Variants in NKPD1 observed in about 807,000 individuals in gnomAD.
NKPD1 encodes NTPase KAP family P-loop domain-containing protein 1.
NKPD1 carries 37 observed loss-of-function variants against 42.2 expected under a neutral mutation model. The observed-to-expected ratio is 0.88, with a 90% CI of 0.67 to 1.15. NKPD1 has a LOEUF of 1.15. NKPD1 is among the 50% of genes most tolerant of loss of function. NKPD1 has a pLI of 0.00. For missense variants in NKPD1, 1,113 were observed against 1,174.6 expected, an observed-to-expected ratio of 0.95 and a Z score of 0.77; for synonymous variants, 552 against 536.5, an observed-to-expected ratio of 1.03 and a Z score of -0.40.
rs1334619276 is a variant in NKPD1, at chr19:45,151,539, G to A, written c.*399C>T. The stretch of plus-strand genomic sequence containing the variant: ...TGCAGCCTCACCCACCACCCCCGCA[G>A]CCTCTCCTGCCACAGAGATGCCAGA... On this transcript the variant is annotated 3_prime_UTR_variant, in exon 5 of 5. Transcript: ENST00000686631. 5.7e-6 allele frequency: 1 copy of A among 175,170 alleles called. No homozygotes were observed. Among genetic ancestry groups the A allele is most frequent in the Admixed American group, 6.3e-5 (1 of 15,864 alleles). 10.9% of individuals were successfully genotyped at this position (175,170 alleles called of 1,614,324 possible). A position where few individuals can be genotyped will look rare whatever the true frequency, so the allele number is the denominator to read the frequency against.
chr19:45,160,695 A>G (rs982384053), intron 1 of NKPD1, among the ~76,000 whole-genome samples: 2 of 151,278 alleles, frequency 1.3e-5, no homozygotes, highest in Non-Finnish European at 2.9e-5. Flanking sequence ...GTGGAGGGGG[A>G]ATTGTGAGGG....
At chr19:45,160,250 T>A in intron 1 of NKPD1, 29 bp from the exon 2 acceptor site, 1 of 623,752 alleles carries the variant, frequency 1.6e-6, no homozygotes, top group Non-Finnish European at 2.5e-6. Context: ...AGAGCTGAGG[T>A]CAGGGTCCCT....
chr19:45,152,356 A>C lies in NKPD1; in HGVS notation c.2081T>G (p.Phe694Cys). The C allele has an allele frequency of 6.2e-7, 1 of 1,602,748 alleles. No individual in the cohort carries two copies. The highest frequency in any genetic ancestry group is 8.5e-7 in the Non-Finnish European group (1 of 1,174,562). ...GTGCAGCTCGCGGCTGTTGTCGCGGAAAACGTCCCAGAGGCGCGCGCGGCC... is the reference window on the plus strand; with the variant it reads ...GTGCAGCTCGCGGCTGTTGTCGCGGCAAACGTCCCAGAGGCGCGCGCGGCC... ...PEGRARLWDV[F>C]RDNSRELHTM... The change falls in exon 5 of 5, where the codon TTC becomes TGC. Residue 694 changes from phenylalanine (F) to cysteine (C), a missense_variant. Physicochemically the swap from Phe to Cys is radical, Grantham distance 205. This residue lies in a region of NKPD1 where 867 missense variants were observed against 870.1 expected (regional missense o/e 1.00). Coordinates refer to ENST00000686631, the MANE Select transcript of NKPD1 (RefSeq NM_198478.4).
chr19:45,162,260 C>A (rs778593870), upstream of NKPD1, among the ~76,000 whole-genome samples: 5 of 152,150 alleles, frequency 3.3e-5, no homozygotes, highest in Admixed American at 6.5e-5. Context: ...GGCAGCACTG[C>A]AGAGGCAGAC....
intron 3 of NKPD1, among the ~76,000 whole-genome samples, chr19:45,157,719 C>CTTTTTTTTTT (rs34991759): frequency 1.2e-5 from 1 of 83,352 alleles, no homozygotes; most frequent in Non-Finnish European, 2.3e-5. Flanking sequence ...CCCAGACATA[C>CTTTTTTTTTT]TTTTTTTTTT....
chr19:45,152,072 C>T lies in NKPD1; in HGVS notation c.2365G>A (p.Ala789Thr), dbSNP rs554063437. ...CCTGAGGCACGGCCCGACGGGGGCGCCCTGGAGGCGCTGTTGGCCCGGTGG... is the reference window on the plus strand; with the variant it reads ...CCTGAGGCACGGCCCGACGGGGGCGTCCTGGAGGCGCTGTTGGCCCGGTGG... Reference protein sequence around the residue: ...AAHRANSASRAPPSGRASGQA... With the variant: ...AAHRANSASRTPPSGRASGQA... Residue 789 changes from alanine to threonine, a missense_variant, in exon 5 of 5, where the codon GCG (alanine) becomes ACG (threonine). This residue lies in a region of NKPD1 where 867 missense variants were observed against 870.1 expected (regional missense o/e 1.00). Transcript: ENST00000686631. 2.5e-6 allele frequency: 4 copies of T among 1,607,618 alleles called. No individual in the cohort carries two copies. Among genetic ancestry groups the T allele is most frequent in the African/African-American group, 2.7e-5 (2 of 74,954 alleles).
rs1312251051 is a variant in NKPD1, at chr19:45,150,340, G to A, written c.*1598C>T. ...TCTTACTGAGGCATGGGGGGCTTCA[G>A]TCCTGCCCTCACCTCCAGCCAAGTC... On this transcript the variant is annotated 3_prime_UTR_variant, in exon 5 of 5. Transcript: ENST00000686631. 6 of 152,026 alleles carry A rather than the reference G, an allele frequency of 3.9e-5. No individual in the cohort carries two copies. Among genetic ancestry groups the A allele is most frequent in the African/African-American group, 1.5e-4 (6 of 41,358 alleles). 9.4% of individuals were successfully genotyped at this position (152,026 alleles called of 1,614,324 possible). A position where few individuals can be genotyped will look rare whatever the true frequency, so the allele number is the denominator to read the frequency against.
At chr19:45,155,708 G>C in intron 4 of NKPD1, 77 bp downstream of exon 4, 1 of 1,239,588 alleles carries the variant, frequency 8.1e-7, no homozygotes, top group Non-Finnish European at 1.1e-6. Flanking sequence ...GGGGGATCTG[G>C]GGGAAGCCTG....
rs924969299 is a variant in NKPD1 at position 45,150,215 on chromosome 19, G to C, written c.*1723C>G. 6.6e-6 allele frequency: 1 copy of C among 152,172 alleles called. No homozygotes were observed. Among genetic ancestry groups the C allele is most frequent in the Non-Finnish European group, 1.5e-5 (1 of 68,046 alleles). The allele number at this position is 152,172 out of a possible 1,614,324, so 9.4% of individuals were successfully genotyped here. On this transcript the variant is annotated 3_prime_UTR_variant, in exon 5 of 5. Coordinates refer to ENST00000686631, the MANE Select transcript of NKPD1 (RefSeq NM_198478.4). ...AGTGATCCTCCCACCTCAGCCTCCT[G>C]AGTAGCTGGGATTACAGGCATGCAC... is the stretch of plus-strand genomic sequence containing the variant.
Position 45,152,105 on chromosome 19 carries a change from G to T in NKPD1, c.2332C>A (p.His778Asn), listed in dbSNP as rs776363032. The change falls in exon 5 of 5, where the codon CAC becomes AAC. Residue 778 changes from histidine (H) to asparagine (N), a missense_variant. This residue lies in a region of NKPD1 where 867 missense variants were observed against 870.1 expected (regional missense o/e 1.00). Coordinates refer to ENST00000686631, the MANE Select transcript of NKPD1 (RefSeq NM_198478.4). ...PPKSPTRDTPHAAHRANSASR... is the reference protein window; with the variant it reads ...PPKSPTRDTPNAAHRANSASR... ...GCGCTGTTGGCCCGGTGGGCAGCGTGGGGGGTATCGCGGGTAGGGGACTTG... is the reference window on the plus strand; with the variant it reads ...GCGCTGTTGGCCCGGTGGGCAGCGTTGGGGGTATCGCGGGTAGGGGACTTG... The T allele has an allele frequency of 3.7e-6, 6 of 1,604,350 alleles. No homozygotes were observed. Among genetic ancestry groups the T allele is most frequent in the Non-Finnish European group, 4.2e-6 (5 of 1,176,480 alleles).
Position 45,160,078 on chromosome 19 carries a change from C to G in NKPD1, c.73G>C (p.Glu25Gln). 6 of 1,304,630 alleles carry G rather than the reference C, an allele frequency of 4.6e-6. No individual in the cohort carries two copies. Among genetic ancestry groups the G allele is most frequent in the Non-Finnish European group, 6.1e-6 (6 of 988,524 alleles). The allele number at this position is 1,304,630 out of a possible 1,614,324, so 80.8% of individuals were successfully genotyped here. The stretch of plus-strand genomic sequence containing the variant: ...CCCGTACCTTTTCGGTGCCCCAACT[C>G]TGGGTCCCAGAAGTAGTGCCCGTTG... Reference protein sequence around the residue: ...SPNGHYFWDPELGHRKGCCHQ... With the variant: ...SPNGHYFWDPQLGHRKGCCHQ... Residue 25 changes from glutamate (E) to glutamine (Q), a missense_variant, in exon 2 of 5, where the codon GAG becomes CAG. Coordinates refer to ENST00000686631, the MANE Select transcript of NKPD1 (RefSeq NM_198478.4).
chr19:45,160,269 C>A, intron 1 of NKPD1, 48 bp from the exon 2 acceptor site: 2 of 473,122 alleles, frequency 4.2e-6, no homozygotes, highest in Non-Finnish European at 7.1e-6. Flanking sequence ...CTGCCCTGCC[C>A]GACAGCTTGG....
chr19:45,152,763 G>T lies in NKPD1; in HGVS notation c.1674C>A (p.Arg558=). 1 of 1,597,602 alleles carries T rather than the reference G, an allele frequency of 6.3e-7. No individual in the cohort carries two copies. Residue 558 remains arginine (R), a synonymous_variant, in exon 5 of 5, where the codon CGC becomes CGA. Coordinates refer to ENST00000686631, the MANE Select transcript of NKPD1 (RefSeq NM_198478.4). ...CGGCGTCCCCCGGCAGCCACGGCTTGCGCGTCATCTCGCGGTACAACAGGT... is the reference window on the plus strand; with the variant it reads ...CGGCGTCCCCCGGCAGCCACGGCTTTCGCGTCATCTCGCGGTACAACAGGT... ...RDDLLYREMT[R]KPWLPGDAGG... is the part of the protein sequence containing the mutation.
rs1299730422 is a variant in NKPD1 at position 45,152,258 on chromosome 19, C to T, written c.2179G>A (p.Ala727Thr). 1 of 1,608,868 alleles carries T rather than the reference C, an allele frequency of 6.2e-7. No homozygotes were observed. Residue 727 changes from alanine (A) to threonine (T), a missense_variant, in exon 5 of 5, where the codon GCC becomes ACC. By Grantham distance (58) the Ala-to-Thr change is moderately conservative. This residue lies in a region of NKPD1 where 867 missense variants were observed against 870.1 expected (regional missense o/e 1.00). Transcript: ENST00000686631. ...DPELFERFLG[A>T]DFPFTVAEAQ... ...TCGGCCACGGTGAAGGGGAAGTCGGCGCCCAGGAAGCGCTCGAAGAGCTCG... is the reference window on the plus strand; with the variant it reads ...TCGGCCACGGTGAAGGGGAAGTCGGTGCCCAGGAAGCGCTCGAAGAGCTCG...
intron 3 of NKPD1, among the ~76,000 whole-genome samples, chr19:45,156,983 G>A (rs1968914767): frequency 6.6e-6 from 1 of 152,210 alleles, no homozygotes; most frequent in Admixed American, 6.5e-5. Context: ...CCCTGTGTGT[G>A]AAATAGACAT....
chr19:45,159,244 G>A, intron 2 of NKPD1, 144 bp from the exon 3 acceptor site: 2 of 745,712 alleles, frequency 2.7e-6, no homozygotes, highest in Non-Finnish European at 3.7e-6. Context: ...GTAAGATTAT[G>A]TGCGGGGGAG....
chr19:45,153,917 C>G, intron 4 of NKPD1, 142 bp from the exon 5 acceptor site: 3 of 821,070 alleles, frequency 3.7e-6, no homozygotes, highest in Non-Finnish European at 5.1e-6. Flanking sequence ...CGCGGCCGCT[C>G]CTTAAAGAGC....
intron 4 of NKPD1, 83 bp downstream of exon 4, chr19:45,155,702 G>C (rs1176768852): frequency 1.7e-5 from 21 of 1,224,412 alleles, no homozygotes; most frequent in Non-Finnish European, 2.2e-5. Context: ...GGGGTGGGGG[G>C]ATCTGGGGGA....
rs1044676017 is a variant in NKPD1, at chr19:45,152,236, G to A, written c.2201C>T (p.Ala734Val). The A allele has an allele frequency of 1.9e-6, 3 of 1,606,116 alleles. No individual in the cohort carries two copies. The highest frequency in any genetic ancestry group is 2.7e-5 in the African/African-American group (2 of 74,822). Residue 734 changes from alanine to valine, a missense_variant, in exon 5 of 5, where the codon GCC becomes GTC. By Grantham distance (64) the Ala-to-Val change is moderately conservative. Transcript: ENST00000686631. ...FLGADFPFTV[A>V]EAQSLLRCTV... ...GCAGCGCAGCAGGCTCTGCGCCTCGGCCACGGTGAAGGGGAAGTCGGCGCC... is the reference window on the plus strand; with the variant it reads ...GCAGCGCAGCAGGCTCTGCGCCTCGACCACGGTGAAGGGGAAGTCGGCGCC...
Sources: allele counts gnomAD v4.1 joint callset (sites outside exome capture counted in the v4.1 genomes callset), GRCh38; gene constraint gnomAD v4.1.1; regional missense constraint gnomAD v4.1.1; transcripts MANE v1.5; gene names NCBI Gene and HGNC (gene_info 2026-07-23, HGNC 2026-07-21).